MAP2K4: variants seen among roughly 807,000 people sequenced by gnomAD.
MAP2K4 encodes mitogen-activated protein kinase kinase 4.
A neutral mutation model predicts 48.5 loss-of-function variants in MAP2K4; 4 were observed. The observed-to-expected ratio is 0.08, with a 90% confidence interval of 0.04 to 0.19. The LOEUF is 0.19. Among genes scored for constraint, MAP2K4 ranks in the 10% least tolerant of loss-of-function variants. The probability of loss-of-function intolerance (pLI) is 1.00; values close to 1 mark genes in which losing one functional copy is unlikely to be tolerated. For synonymous variants in MAP2K4, 166 were observed against 173.1 expected (o/e 0.96, Z 0.32); for missense variants, 258 against 493.3 (o/e 0.52, Z 4.52).
intron 2 of MAP2K4, among the ~76,000 whole-genome samples, chr17:12,067,501 GCTT>G (rs1481712539): frequency 1.3e-5 from 2 of 152,192 alleles, no homozygotes; most frequent in East Asian, 1.9e-4. Flanking sequence ...GTGCAAATTT[GCTT>G]CTTCTTAGGA....
In MAP2K4 at chr17:12,129,268, A is replaced by G. The variant is rs1239669542; in HGVS notation, c.1021A>G (p.Ile341Val). 1 of 1,614,248 alleles carries G rather than the reference A, an allele frequency of 6.2e-7. No homozygotes were observed. Among genetic ancestry groups the G allele is most frequent in the Non-Finnish European group, 8.5e-7 (1 of 1,180,034 alleles). The stretch of plus-strand genomic sequence containing the variant: ...GGAAAGGGAATTCTCCCCGAGTTTC[A>G]TCAACTTTGTCAACTTGTGGTGAGT... ...SEEREFSPSF[I>V]NFVNLCLTKD... is the part of the protein sequence containing the mutation. The change falls in exon 9 of 11, where the codon ATC becomes GTC. Residue 341 changes from isoleucine (I) to valine (V), a missense_variant. Coordinates refer to ENST00000353533, the MANE Select transcript of MAP2K4 (RefSeq NM_003010.4).
intron 9 of MAP2K4, among the ~76,000 whole-genome samples, chr17:12,131,348 C>G (rs866804404): frequency 6.6e-6 from 1 of 151,082 alleles, no homozygotes; most frequent in Non-Finnish European, 1.5e-5. Flanking sequence ...CGGGTTCAAA[C>G]GATTCTTCTG....
At chr17:12,134,447 C>T (rs1006594344) in intron 9 of MAP2K4, among the ~76,000 whole-genome samples, 4 of 152,132 alleles carry the variant, frequency 2.6e-5, no homozygotes, top group African/African-American at 7.2e-5. Context: ...TGGTGGCACA[C>T]AGCAGATTGA....
chr17:12,073,620 T>A (rs1970892335), intron 2 of MAP2K4, among the ~76,000 whole-genome samples: 1 of 152,142 alleles, frequency 6.6e-6, no homozygotes, highest in Admixed American at 6.6e-5. Context: ...TCTCAGCAGT[T>A]TTATTGAGGT....
intron 6 of MAP2K4, chr17:12,113,020 C>G (rs1404834483): frequency 5.3e-6 from 2 of 377,024 alleles, no homozygotes; most frequent in Non-Finnish European, 9.7e-6. Context: ...TTTGCTGTTA[C>G]ATTTACACAA....
intron 2 of MAP2K4, among the ~76,000 whole-genome samples, chr17:12,059,936 G>A (rs1970397355): frequency 6.6e-6 from 1 of 152,180 alleles, no homozygotes; most frequent in Admixed American, 6.5e-5. Flanking sequence ...CCAGCACTTT[G>A]GGAGGTCGAG....
At chr17:12,140,775 C>T (rs1348181003) in intron 10 of MAP2K4, among the ~76,000 whole-genome samples, 1 of 152,184 alleles carries the variant, frequency 6.6e-6, no homozygotes, top group Non-Finnish European at 1.5e-5. Flanking sequence ...GGAATAGTGA[C>T]TGGCATTTGC....
At chr17:12,095,889 G>GTGTGTT (rs956893800) in intron 4 of MAP2K4, among the ~76,000 whole-genome samples, 195 bp downstream of exon 4, 3 of 115,200 alleles carry the variant, frequency 2.6e-5, no homozygotes, top group South Asian at 3.1e-4. Flanking sequence ...TGAATCACAC[G>GTGTGTT]TGTGTTTGTG....
chr17:12,021,762 T>C (rs1425653656), intron 1 of MAP2K4, among the ~76,000 whole-genome samples: 1 of 149,294 alleles, frequency 6.7e-6, no homozygotes, highest in African/African-American at 2.5e-5. Flanking sequence ...AAAAGAAGAC[T>C]TAATTTGGTT....
chr17:12,048,305 T>C (rs1043116310), intron 1 of MAP2K4, among the ~76,000 whole-genome samples: 3 of 152,234 alleles, frequency 2.0e-5, no homozygotes, highest in African/African-American at 7.2e-5. Context: ...CACTTGTTGT[T>C]GTGTAAATTA....
intron 2 of MAP2K4, among the ~76,000 whole-genome samples, chr17:12,061,834 T>G (rs1970456322): frequency 6.6e-6 from 1 of 152,194 alleles, no homozygotes; most frequent in Non-Finnish European, 1.5e-5. Flanking sequence ...GTATGTATGT[T>G]TCTGGAAACT....
intron 1 of MAP2K4, among the ~76,000 whole-genome samples, chr17:12,043,062 T>G (rs1969844402): frequency 6.6e-6 from 1 of 151,654 alleles, no homozygotes; most frequent in Admixed American, 6.6e-5. Context: ...AAAAAAAAGA[T>G]GTTCTTGAAG....
At chr17:12,040,991 G>C (rs1310579180) in intron 1 of MAP2K4, among the ~76,000 whole-genome samples, 1 of 151,996 alleles carries the variant, frequency 6.6e-6, no homozygotes, top group Non-Finnish European at 1.5e-5. Flanking sequence ...TTGGGTCTTT[G>C]TAAGTAACAA....
At chr17:12,090,510 G>C (rs751709164) in intron 3 of MAP2K4, among the ~76,000 whole-genome samples, 2 of 152,126 alleles carry the variant, frequency 1.3e-5, no homozygotes, top group Admixed American at 6.5e-5. Flanking sequence ...ACTACAACGT[G>C]AGCCTTTATT....
At chr17:12,029,562 C>T (rs993059891) in intron 1 of MAP2K4, among the ~76,000 whole-genome samples, 1 of 151,966 alleles carries the variant, frequency 6.6e-6, no homozygotes, top group East Asian at 1.9e-4. Context: ...ACAGGTTCAA[C>T]GGATTATCTA....
chr17:12,072,817 G>T (rs1242839880), intron 2 of MAP2K4, among the ~76,000 whole-genome samples: 2 of 151,944 alleles, frequency 1.3e-5, no homozygotes, highest in Admixed American at 1.3e-4. Context: ...TTTTCTCATC[G>T]ACATGTTTAA....
intron 1 of MAP2K4, among the ~76,000 whole-genome samples, chr17:12,023,945 G>C (rs938523600): frequency 6.6e-6 from 1 of 152,170 alleles, no homozygotes; most frequent in African/African-American, 2.4e-5. Context: ...ATCATTGTTA[G>C]TAGCGACAAT....
At chr17:12,121,118 CTT>C (rs574046774) in intron 7 of MAP2K4, among the ~76,000 whole-genome samples, 88 of 152,318 alleles carry the variant, frequency 5.8e-4, no homozygotes, top group African/African-American at 1.9e-3. Context: ...GATAGTGACA[CTT>C]TTGCTTTTTG....
chr17:12,041,677 T>A (rs894499381), intron 1 of MAP2K4, among the ~76,000 whole-genome samples: 1 of 152,218 alleles, frequency 6.6e-6, no homozygotes, highest in Non-Finnish European at 1.5e-5. Context: ...AACAACAAAT[T>A]GGACCCATCA....
Sources: allele counts gnomAD v4.1 joint callset (sites outside exome capture counted in the v4.1 genomes callset), GRCh38; gene constraint gnomAD v4.1.1; transcripts MANE v1.5; gene names NCBI Gene and HGNC (gene_info 2026-07-23, HGNC 2026-07-21).